CTC1: variants seen among roughly 807,000 people sequenced by gnomAD.
CTC1 encodes the protein CST telomere replication complex component 1, also known as CST complex subunit CTC1.
In CTC1, 91 loss-of-function variants were observed where a neutral mutation model predicts 136.3. The ratio of observed to expected loss-of-function variants is 0.67; its 90% CI spans 0.56 to 0.79. The LOEUF is 0.79. CTC1 is among the 30% of genes least tolerant of loss of function. The pLI is 0.00. For missense variants in CTC1, 1,432 were observed against 1,498.1 expected, an observed-to-expected ratio of 0.96 and a Z score of 0.73; for synonymous variants, 606 against 613.8, an observed-to-expected ratio of 0.99 and a Z score of 0.19.
At position 8,229,334 on chromosome 17, in the gene CTC1, C is replaced by T. The variant is rs1987009722; in HGVS notation, c.3124G>A (p.Val1042Met). ...VSVFSLQLFW[V>M]CAYCTSICRQ... is the part of the protein sequence containing the mutation. ...CAGATGCTGGTACAATAAGCACACA[C>T]CCAGAAGAGCTGAAGGCTGAAGACA... The change falls in exon 19 of 23, where the codon GTG becomes ATG. Residue 1042 changes from valine (V) to methionine (M), a missense_variant. Physicochemically the swap from Val to Met is conservative, Grantham distance 21. Coordinates refer to ENST00000651323, the MANE Select transcript of CTC1 (RefSeq NM_025099.6). The T allele has an allele frequency of 6.2e-7, 1 of 1,614,206 alleles. No individual in the cohort carries two copies. The highest frequency in any genetic ancestry group is 8.5e-7 in the Non-Finnish European group (1 of 1,180,028).
rs748674791 is a variant in CTC1 at position 8,228,559 on chromosome 17, C to G, written c.3458G>C (p.Arg1153Pro). The change falls in exon 22 of 23, where the codon CGT (arginine) becomes CCT (proline). Residue 1153 changes from arginine to proline, a missense_variant. Arg to Pro is a moderately radical substitution (Grantham distance 103). Coordinates refer to ENST00000651323, the MANE Select transcript of CTC1 (RefSeq NM_025099.6). ...CAGCTCAAAAGAAAGCACAATAGGA[C>G]GGAGGACAGAGGGGCTAGTACAAAG... The part of the protein sequence containing the change: ...WTLCTSPSVL[R>P]PIVLSFELER... The G allele has an allele frequency of 4.3e-6, 7 of 1,614,088 alleles. No homozygotes were observed. The South Asian group carries it at 6.6e-5, about 15-fold the overall frequency.
Position 8,235,222 on chromosome 17 carries a change from A to C in CTC1, c.1270T>G (p.Cys424Gly), listed in dbSNP as rs772064961. 4 of 1,614,148 alleles carry C rather than the reference A, an allele frequency of 2.5e-6. No homozygotes were observed. The highest frequency in any genetic ancestry group is 2.5e-6 in the Non-Finnish European group (3 of 1,180,024). ...TGAAGCAGAACGGCGCCACGGAGGC[A>C]GGGGGCGAGCACTGGCCTTCTTGTC... Reference protein sequence around the residue: ...GGTRRPVLAPCLRGAVLLQSF... With the variant: ...GGTRRPVLAPGLRGAVLLQSF... The change falls in exon 8 of 23, where the codon TGC becomes GGC. Residue 424 changes from cysteine to glycine, a missense_variant. Cys to Gly is a radical substitution (Grantham distance 159). Transcript: ENST00000651323.
At chr17:8,241,420 T>C (rs2151540216) in intron 2 of CTC1, among the ~76,000 whole-genome samples, 1 of 152,028 alleles carries the variant, frequency 6.6e-6, no homozygotes, top group African/African-American at 2.4e-5. Flanking sequence ...AGGAATTCGA[T>C]ACCAGTACGG....
Position 8,232,460 on chromosome 17 carries a change from G to A in CTC1, c.1961C>T (p.Ala654Val), listed in dbSNP as rs1987327229. 1 of 1,613,908 alleles carries A rather than the reference G, an allele frequency of 6.2e-7. No homozygotes were observed. The highest frequency in any genetic ancestry group is 8.5e-7 in the Non-Finnish European group (1 of 1,179,882). ...CTCTACGATCAACTGAAACCTCTCT[G>A]CCCGCACCAGGCAGCCTAGAGGAAG... ...DPRLIGCLVRAERFQLIVERD... is the reference protein window; with the variant it reads ...DPRLIGCLVRVERFQLIVERD... The change falls in exon 12 of 23, where the codon GCA becomes GTA. Residue 654 changes from alanine (A) to valine (V), a missense_variant. Coordinates refer to ENST00000651323, the MANE Select transcript of CTC1 (RefSeq NM_025099.6).
intron 2 of CTC1, among the ~76,000 whole-genome samples, chr17:8,242,350 T>C (rs760634879): frequency 6.6e-6 from 1 of 151,826 alleles, no homozygotes; most frequent in Non-Finnish European, 1.5e-5. Context: ...ATTACTTCTA[T>C]GAGGAGATAA....
Position 8,234,863 on chromosome 17 carries a change from G to A in CTC1, c.1503C>T (p.Ser501=). The A allele has an allele frequency of 1.2e-6, 2 of 1,613,110 alleles. No individual in the cohort carries two copies. Among genetic ancestry groups the A allele is most frequent in the Non-Finnish European group, 1.7e-6 (2 of 1,179,544 alleles). The change falls in exon 9 of 23, where the codon AGC becomes AGT. Residue 501 remains serine, a synonymous_variant. Coordinates refer to ENST00000651323, the MANE Select transcript of CTC1 (RefSeq NM_025099.6). ...FLQHSSPGSP[S]LGLQLLAPTL... ...TAGGAGCCAGGAGTTGCAGTCCCAG[G>A]CTGGGGCTCCCAGGAGAGGAATGTT...
intron 2 of CTC1, among the ~76,000 whole-genome samples, chr17:8,238,955 G>A (rs564002143): frequency 5.9e-4 from 90 of 152,104 alleles, no homozygotes; most frequent in African/African-American, 2.1e-3. Context: ...AGCCGAGCAT[G>A]GTGGTGTGCA....
rs765850921 is a variant in CTC1, at chr17:8,235,261, A to T, written c.1231T>A (p.Ser411Thr). ...LQLQDVHLLQ[S>T]VGGGTRRPVL... ...GGCCTTCTTGTCCCCCCTCCCACTGACTGGAGCAGGTGAACATCCTGGAGC... is the reference window on the plus strand; with the variant it reads ...GGCCTTCTTGTCCCCCCTCCCACTGTCTGGAGCAGGTGAACATCCTGGAGC... Residue 411 changes from serine (S) to threonine (T), a missense_variant, in exon 8 of 23, where the codon TCA becomes ACA. Transcript: ENST00000651323. 1 of 1,613,908 alleles carries T rather than the reference A, an allele frequency of 6.2e-7. No homozygotes were observed. The highest frequency in any genetic ancestry group is 8.5e-7 in the Non-Finnish European group (1 of 1,179,902).
rs201705723 is a variant in CTC1 at position 8,243,154 on chromosome 17, G to A, written c.34-6C>T. ...TCCTCAAGCCAGGCTTGTTCCTGAG[G>A]AAAGTGAATTTAGTTAAAACATCTT... On this transcript the variant is annotated splice_region_variant and splice_polypyrimidine_tract_variant and intron_variant, in intron 1 of 22. Transcript: ENST00000651323. 3.1e-6 allele frequency: 5 copies of A among 1,609,900 alleles called. No individual in the cohort carries two copies. In the African/African-American group the frequency reaches 6.7e-5, roughly 22 times the overall value.
At position 8,238,945 on chromosome 17, in the gene CTC1, A is replaced by G. The variant is rs111307754; in HGVS notation, c.198-316T>C. 0.015 allele frequency among the ~76,000 whole-genome samples: 2,300 copies of G among 152,112 alleles called. 21 individuals carry two copies. The highest frequency in any genetic ancestry group is 0.051 in the Middle Eastern group (15 of 294). On this transcript the variant is annotated intron_variant, in intron 2 of 22. Coordinates refer to ENST00000651323, the MANE Select transcript of CTC1 (RefSeq NM_025099.6). ...ATCTCTACTAAAAATACAAAAAATT[A>G]GCCGAGCATGGTGGTGTGCAGCTGT...
chr17:8,236,279 G>C lies in CTC1; in HGVS notation c.856C>G (p.Leu286Val). 1 of 1,613,704 alleles carries C rather than the reference G, an allele frequency of 6.2e-7. No homozygotes were observed. The highest frequency in any genetic ancestry group is 8.5e-7 in the Non-Finnish European group (1 of 1,180,032). Residue 286 changes from leucine (L) to valine (V), a missense_variant, in exon 6 of 23, where the codon CTG becomes GTG. Leu to Val is a conservative substitution (Grantham distance 32). Transcript: ENST00000651323. ...TGACCACGGATCTTGGACACTCGCA[G>C]TTCTGTCAGCACATAGGCTGTACCA... ...RPGTAYVLTE[L>V]RVSKIRGQRQ...
Position 8,237,420 on chromosome 17 carries a change from A to C in CTC1, c.747T>G (p.Leu249=). 1 of 1,614,044 alleles carries C rather than the reference A, an allele frequency of 6.2e-7. No individual in the cohort carries two copies. The highest frequency in any genetic ancestry group is 8.5e-7 in the Non-Finnish European group (1 of 1,179,988). The change falls in exon 5 of 23, where the codon CTT becomes CTG. Residue 249 remains leucine, a synonymous_variant. Transcript: ENST00000651323. ...SKQKAYFILS[L]GRSHPAVTHV... The stretch of plus-strand genomic sequence containing the variant: ...GGGTGACAGCTGGGTGTGATCTACC[A>C]AGAGACAGGATGAAGTAAGCTTTCT...
At position 8,231,292 on chromosome 17, in the gene CTC1, C is replaced by T. The variant is rs370102181; in HGVS notation, c.2653G>A (p.Asp885Asn). The T allele has an allele frequency of 7.6e-6, 12 of 1,576,704 alleles. No homozygotes were observed. The highest frequency in any genetic ancestry group is 5.4e-5 in the African/African-American group (4 of 74,032). Reference sequence around the variant, plus strand: ...GACATTTACTTGTCACTGAGCAGGTCGGTCAGTGAGGATTCAGGCAATGAC... The same window carrying T: ...GACATTTACTTGTCACTGAGCAGGTTGGTCAGTGAGGATTCAGGCAATGAC... ...NKSLPESSLT[D>N]LLSDNFTDSL... The change falls in exon 15 of 23, where the codon GAC (aspartate) becomes AAC (asparagine). Residue 885 changes from aspartate (D) to asparagine (N), a missense_variant. Physicochemically the swap from Asp to Asn is conservative, Grantham distance 23. Coordinates refer to ENST00000651323, the MANE Select transcript of CTC1 (RefSeq NM_025099.6).
chr17:8,235,350 A>C, intron 7 of CTC1, 65 bp from the exon 8 acceptor site: 12 of 1,259,206 alleles, frequency 9.5e-6, no homozygotes, highest in Non-Finnish European at 1.4e-5. Flanking sequence ...ACCCAGGCAG[A>C]GTTAACCGCA....
At chr17:8,244,186 T>C (rs552959318) in intron 1 of CTC1, among the ~76,000 whole-genome samples, 6 of 152,232 alleles carry the variant, frequency 3.9e-5, no homozygotes, top group Non-Finnish European at 7.3e-5. Flanking sequence ...ATCTCCTTTT[T>C]TTATTCAAAG....
chr17:8,237,796 T>C (rs761252275), intron 4 of CTC1, among the ~76,000 whole-genome samples: 2 of 147,074 alleles, frequency 1.4e-5, no homozygotes, highest in African/African-American at 2.5e-5. Flanking sequence ...AAAATGTCCA[T>C]AGCCCAAAGC....
chr17:8,238,817 C>T (rs1022911333), intron 2 of CTC1, among the ~76,000 whole-genome samples, 188 bp from the exon 3 acceptor site: 11 of 151,922 alleles, frequency 7.2e-5, no homozygotes, highest in Non-Finnish European at 1.6e-4. Flanking sequence ...TGGGGCCGGG[C>T]GAGTGGCTCA....
Position 8,232,933 on chromosome 17 carries a change from G to A in CTC1, c.1918C>T (p.Gln640Ter), listed in dbSNP as rs2151512520. ...ATCAGCCGTGGGTCACTGAGGGGTT[G>A]AGAGTGCTTGGCCAGGAGCAGGCAG... ...LPCLLLAKHSQPLSDPRLIGC... is the reference protein window; with the variant it reads ...LPCLLLAKHS The change falls in exon 11 of 23, where the codon CAA (glutamine) becomes TAA (stop). Residue 640 changes from glutamine to a stop codon, truncating the protein, a stop_gained. Coordinates refer to ENST00000651323, the MANE Select transcript of CTC1 (RefSeq NM_025099.6). LOFTEE classifies it high-confidence loss of function. The A allele has an allele frequency of 6.2e-7, 1 of 1,614,118 alleles. No individual in the cohort carries two copies. The highest frequency in any genetic ancestry group is 1.7e-5 in the Admixed American group (1 of 60,020).
intron 5 of CTC1, 80 bp downstream of exon 5, chr17:8,237,292 GCTC>G: frequency 6.7e-7 from 1 of 1,490,592 alleles, no homozygotes; most frequent in Admixed American, 1.7e-5. Flanking sequence ...TTCCTACATG[GCTC>G]CTCCTATGAT....
Sources: gnomAD v4.1 joint callset for allele counts (sites outside exome capture counted in the v4.1 genomes callset) on GRCh38, gnomAD v4.1.1 for gene constraint, MANE v1.5 for transcripts, NCBI Gene and HGNC (gene_info 2026-07-23, HGNC 2026-07-21) for gene names.